Variants in KRT6C observed in about 807,000 individuals in gnomAD.
KRT6C encodes the protein keratin, type II cytoskeletal 6C.
KRT6C carries 46 observed loss-of-function variants against 49.4 expected under a neutral mutation model. That is an observed-to-expected ratio of 0.93 (90% CI 0.74 to 1.19). KRT6C has a LOEUF of 1.19. Ranked by LOEUF, KRT6C falls within the 50% of genes most tolerant of loss-of-function variation. The pLI is 0.00. For missense variants in KRT6C, 552 were observed against 737.5 expected (o/e 0.75, Z 2.91); for synonymous variants, 236 against 297.1 (o/e 0.79, Z 2.12).
chr12:52,470,372 G>C, intron 6 of KRT6C, 133 bp downstream of exon 6: 1 of 1,507,442 alleles, frequency 6.6e-7, no homozygotes, highest in Non-Finnish European at 9.2e-7. Context: ...TTCTCACTGA[G>C]GGCAAGAACT....
rs1044444823 is a variant in KRT6C, at chr12:52,469,453, G to A, written c.1425-8C>T. The A allele has an allele frequency of 6.1e-5, 99 of 1,613,878 alleles. No individual in the cohort carries two copies. The highest frequency in any genetic ancestry group is 8.1e-5 in the Non-Finnish European group (95 of 1,179,868). On this transcript the variant is annotated splice_polypyrimidine_tract_variant and splice_region_variant and intron_variant, in intron 7 of 8. Coordinates refer to ENST00000252250, the MANE Select transcript of KRT6C (RefSeq NM_173086.5). Reference sequence around the variant, plus strand: ...ACGCCTTCGCCATTCAGCCTGTGGAGAGGAACACAGGGAGGGTGAGACCTC... The same window carrying A: ...ACGCCTTCGCCATTCAGCCTGTGGAAAGGAACACAGGGAGGGTGAGACCTC...
chr12:52,472,309 C>T (rs1937902625), intron 1 of KRT6C, 29 bp from the exon 2 acceptor site: 1 of 1,403,160 alleles, frequency 7.1e-7, no homozygotes, highest in Non-Finnish European at 9.8e-7. Context: ...GGTCATTTTC[C>T]AGGCAAAGGA....
intron 6 of KRT6C, chr12:52,470,185 G>A (rs1215556141): frequency 8.4e-6 from 5 of 598,656 alleles, no homozygotes; most frequent in Non-Finnish European, 1.5e-5. Context: ...TGTACTGAGT[G>A]CTGTTTTCAA....
intron 3 of KRT6C, 66 bp from the exon 4 acceptor site, chr12:52,471,582 C>T (rs571418704): frequency 6.7e-7 from 1 of 1,489,760 alleles, no homozygotes; most frequent in East Asian, 2.4e-5. Flanking sequence ...ATCTTCTAGT[C>T]CTCCTGCCAA....
chr12:52,471,610 G>A (rs895135563), intron 3 of KRT6C, 62 bp downstream of exon 3: 51 of 1,503,372 alleles, frequency 3.4e-5, no homozygotes, highest in Non-Finnish European at 4.3e-5. Context: ...CCAGGGGAGC[G>A]AGGACACAGA....
At chr12:52,470,679 G>A in intron 5 of KRT6C, 49 bp from the exon 6 acceptor site, 2 of 1,613,450 alleles carry the variant, frequency 1.2e-6, no homozygotes, top group Non-Finnish European at 1.7e-6. Context: ...GTTCTTACCT[G>A]GGAGCGATGA....
In KRT6C at chr12:52,470,609, C is replaced by T; in HGVS notation, c.1099G>A (p.Ala367Thr). The change falls in exon 6 of 9, where the codon GCA becomes ACA. Residue 367 changes from alanine (A) to threonine (T), a missense_variant. By Grantham distance (58) the Ala-to-Thr change is moderately conservative (BLOSUM62 0). This residue lies in a region of KRT6C where 425 missense variants were observed against 439.4 expected (regional missense o/e 0.97). Transcript: ENST00000252250. Reference protein sequence around the residue: ...QTKYEELQVTAGRHGDDLRNT... With the variant: ...QTKYEELQVTTGRHGDDLRNT... ...CGCAGGTCGTCCCCATGTCTGCCTG[C>T]TGTGACCTGCAGCTCCTCGTACTGC... The T allele has an allele frequency of 6.2e-7, 1 of 1,614,022 alleles. No homozygotes were observed. The highest frequency in any genetic ancestry group is 8.5e-7 in the Non-Finnish European group (1 of 1,180,010).
chr12:52,473,765 G>C lies in KRT6C; in HGVS notation c.-28C>G. 2.5e-6 allele frequency: 4 copies of C among 1,614,110 alleles called. No homozygotes were observed. The South Asian group carries it at 3.3e-5, about 13-fold the overall frequency. ...TTCCAGGAGATGAGAGGGCTGTGGC[G>C]AGCGTTGGAGGCTGGAGGCGAGAGG... On this transcript the variant is annotated 5_prime_UTR_variant, in exon 1 of 9. Transcript: ENST00000252250.
At position 52,471,189 on chromosome 12, in the gene KRT6C, T is replaced by A. The variant is rs575947038; in HGVS notation, c.1020A>T (p.Gln340His). Reference protein sequence around the residue: ...LDSIIAEVKAQYEEIAQRSRA... With the variant: ...LDSIIAEVKAHYEEIAQRSRA... Reference sequence around the variant, plus strand: ...GGCTCCTCTGAGCAATCTCCTCGTATTGGGCCTTGACCTCAGCGATGATGC... The same window carrying A: ...GGCTCCTCTGAGCAATCTCCTCGTAATGGGCCTTGACCTCAGCGATGATGC... Residue 340 changes from glutamine (Q) to histidine (H), a missense_variant, in exon 5 of 9, where the codon CAA (glutamine) becomes CAT (histidine). Gln to His is a conservative substitution (Grantham distance 24, BLOSUM62 0). Around this residue, in one of 3 missense-constraint regions of KRT6C, gnomAD observed 425 missense variants for 439.4 expected, o/e 0.97. Coordinates refer to ENST00000252250, the MANE Select transcript of KRT6C (RefSeq NM_173086.5). 135 of 1,614,150 alleles carry A rather than the reference T, an allele frequency of 8.4e-5. 1 individual carries two copies. In the East Asian group the frequency reaches 9.6e-4, roughly 11 times the overall value.
rs566172774 is a variant in KRT6C at position 52,470,947 on chromosome 12, T to A, written c.1077+185A>T. 4.9e-4 allele frequency among the ~76,000 whole-genome samples: 75 copies of A among 152,262 alleles called. 1 individual carries two copies. The South Asian group carries it at 0.014, about 29-fold the overall frequency. On this transcript the variant is annotated intron_variant, in intron 5 of 8. Transcript: ENST00000252250. ...GTCTATGGCAGCTTTCCTCCTGCAT[T>A]GGGTTCTTTTTCCTCCTTGACTTGC...
intron 6 of KRT6C, 72 bp from the exon 7 acceptor site, chr12:52,469,962 C>T (rs1289624752): frequency 6.4e-6 from 10 of 1,568,228 alleles, no homozygotes; most frequent in Non-Finnish European, 6.1e-6. Context: ...GTTTAGTGAA[C>T]CAGGGTCCTG....
rs772403772 is a variant in KRT6C at position 52,469,779 on chromosome 12, G to T, written c.1315C>A (p.Gln439Lys). The T allele has an allele frequency of 6.2e-7, 1 of 1,613,994 alleles. No individual in the cohort carries two copies. The highest frequency in any genetic ancestry group is 1.1e-5 in the South Asian group (1 of 91,080). ...TCCTTCAGCAGCCGGGCCAGGTCCT[G>T]CTTGGCCTTCTGCAGGGCATCCTCC... ...GLEDALQKAKQDLARLLKEYQ... is the reference protein window; with the variant it reads ...GLEDALQKAKKDLARLLKEYQ... The change falls in exon 7 of 9, where the codon CAG becomes AAG. Residue 439 changes from glutamine (Q) to lysine (K), a missense_variant. Around this residue, in one of 3 missense-constraint regions of KRT6C, gnomAD observed 425 missense variants for 439.4 expected, o/e 0.97. Transcript: ENST00000252250.
Position 52,472,076 on chromosome 12 carries a change from G to C in KRT6C, c.745C>G (p.Leu249Val), listed in dbSNP as rs1132951. 17 of 1,595,912 alleles carry C rather than the reference G, an allele frequency of 1.1e-5. No homozygotes were observed. In the African/African-American group the frequency reaches 2.3e-4, roughly 21 times the overall value. The change falls in exon 2 of 9, where the codon CTC (leucine) becomes GTC (valine). Residue 249 changes from leucine to valine, a missense_variant. By Grantham distance (32) the Leu-to-Val change is conservative. Coordinates refer to ENST00000252250, the MANE Select transcript of KRT6C (RefSeq NM_173086.5). ...AAATGGAGTCCTCACTTGTTCTTGA[G>C]GTCCTCCACCAGGTCCTGCATGTTT... is the stretch of plus-strand genomic sequence containing the variant. Reference protein sequence around the residue: ...LRNMQDLVEDLKNKYEDEINK... With the variant: ...LRNMQDLVEDVKNKYEDEINK...
intron 4 of KRT6C, 62 bp downstream of exon 4, chr12:52,471,359 A>G (rs1025678380): frequency 5.0e-6 from 8 of 1,614,062 alleles, no homozygotes; most frequent in African/African-American, 4.0e-5. Flanking sequence ...ACCCAACCCT[A>G]TACATCTTCT....
chr12:52,472,232 G>C lies in KRT6C; in HGVS notation c.589C>G (p.Leu197Val), dbSNP rs765044729. Residue 197 changes from leucine (L) to valine (V), a missense_variant, in exon 2 of 9, where the codon CTG becomes GTG. By Grantham distance (32) the Leu-to-Val change is conservative (BLOSUM62 1). Transcript: ENST00000252250. ...GTCTTGGTGCCCTGCTCCTGCAGCA[G>C]GGTCCACTTGGTGTCCAGAACCTTG... ...QNKVLDTKWT[L>V]LQEQGTKTVR... 6.9e-7 allele frequency: 1 copy of C among 1,454,792 alleles called. No individual in the cohort carries two copies. Among genetic ancestry groups the C allele is most frequent in the African/African-American group, 1.3e-5 (1 of 74,130 alleles). The allele number at this position is 1,454,792 out of a possible 1,614,324, so 90.1% of individuals were successfully genotyped here.
chr12:52,470,102 A>G (rs1937848067), intron 6 of KRT6C: 1 of 665,574 alleles, frequency 1.5e-6, no homozygotes, highest in East Asian at 2.7e-5. Flanking sequence ...CCGCATGAGA[A>G]TGTGCGTTGC....
Position 52,469,465 on chromosome 12 carries a change from G to C in KRT6C, c.1425-20C>G, listed in dbSNP as rs747911952. 3 of 1,613,970 alleles carry C rather than the reference G, an allele frequency of 1.9e-6. No homozygotes were observed. Among genetic ancestry groups the C allele is most frequent in the East Asian group, 4.5e-5 (2 of 44,882 alleles). On this transcript the variant is annotated intron_variant, in intron 7 of 8. Transcript: ENST00000252250. Reference sequence around the variant, plus strand: ...TTCAGCCTGTGGAGAGGAACACAGGGAGGGTGAGACCTCAGAGAGCTCTTC... The same window carrying C: ...TTCAGCCTGTGGAGAGGAACACAGGCAGGGTGAGACCTCAGAGAGCTCTTC...
chr12:52,471,460 G>A lies in KRT6C; in HGVS notation c.873C>T (p.Leu291=), dbSNP rs145658614. The A allele has an allele frequency of 7.3e-4, 1,183 of 1,613,302 alleles. 9 individuals are homozygous for A. The African/African-American group carries it at 0.013, about 18-fold the overall frequency. ...CTCTCAGGAAGTTGATCTCATCTGT[G>A]AGAGTGTCTGCCTTGGCTTGCAGTT... ...KVELQAKADT[L]TDEINFLRAL... The change falls in exon 4 of 9, where the codon CTC becomes CTT. Residue 291 remains leucine, a synonymous_variant. Transcript: ENST00000252250.
At chr12:52,470,994 A>C in intron 5 of KRT6C, 138 bp downstream of exon 5, 1 of 1,447,616 alleles carries the variant, frequency 6.9e-7, no homozygotes, top group Middle Eastern at 1.8e-4. Flanking sequence ...CCAAATGTCT[A>C]CTCTAATAGT....
Sources: allele counts gnomAD v4.1 joint callset (sites outside exome capture counted in the v4.1 genomes callset), GRCh38; gene constraint gnomAD v4.1.1; regional missense constraint gnomAD v4.1.1; transcripts MANE v1.5; gene names NCBI Gene and HGNC (gene_info 2026-07-23, HGNC 2026-07-21).